Variants in PADI4 observed in about 807,000 individuals in gnomAD.
PADI4 encodes peptidyl arginine deiminase 4, also known as protein-arginine deiminase type-4.
A neutral mutation model predicts 75.0 loss-of-function variants in PADI4; 62 were observed. That is an observed-to-expected ratio of 0.83 (90% CI 0.67 to 1.02). The LOEUF (loss-of-function observed/expected upper bound fraction) is 1.02, where lower values mean the gene tolerates loss of function less well. PADI4 is among the 50% of genes least tolerant of loss of function. PADI4 has a pLI of 0.00. For missense variants in PADI4, 845 were observed against 850.5 expected (o/e 0.99, Z 0.08); for synonymous variants, 361 against 348.1 (o/e 1.04, Z -0.41).
Position 17,342,002 on chromosome 1 carries a change from C to G in PADI4, c.712C>G (p.Leu238Val). 1 of 1,614,056 alleles carries G rather than the reference C, an allele frequency of 6.2e-7. No individual in the cohort carries two copies. The change falls in exon 7 of 16, where the codon CTG (leucine) becomes GTG (valine). Residue 238 changes from leucine to valine, a missense_variant. By Grantham distance (32) the Leu-to-Val change is conservative. Transcript: ENST00000375448. ...GGGTCCCAAGTGGCCCTCTCACTAC[C>G]TGATGGTCCCCGGTGGAAAGCACAA... is the stretch of plus-strand genomic sequence containing the variant. ...VLGPKWPSHY[L>V]MVPGGKHNMD...
At chr1:17,319,358 G>A (rs2073995633) in intron 1 of PADI4, among the ~76,000 whole-genome samples, 1 of 152,058 alleles carries the variant, frequency 6.6e-6, no homozygotes, top group African/African-American at 2.4e-5. Flanking sequence ...TTGAGCCCAG[G>A]AGTTCAAGAC....
At chr1:17,315,028 G>A (rs926660135) in intron 1 of PADI4, among the ~76,000 whole-genome samples, 9 of 152,172 alleles carry the variant, frequency 5.9e-5, no homozygotes, top group Non-Finnish European at 1.2e-4. Flanking sequence ...CCCCACCCCC[G>A]TCAGCATGGG....
chr1:17,359,164 C>T, intron 14 of PADI4, 116 bp from the exon 15 acceptor site: 1 of 800,084 alleles, frequency 1.2e-6, no homozygotes, highest in Non-Finnish European at 2.0e-6. Flanking sequence ...TCACTGCCTT[C>T]CTGACACTGT....
In PADI4 at chr1:17,342,397, G is replaced by T. The variant is rs144416829; in HGVS notation, c.930G>T (p.Ala310=). ...CCCAGCCCCCGCAGGAGGTGTACGC[G>T]TGCAGGTGAGAGGTCCTGGGGTGCT... ...PNTQPPQEVY[A]CSIFENEDFL... is the part of the protein sequence containing the mutation. The change falls in exon 8 of 16, where the codon GCG becomes GCT. Residue 310 remains alanine, a synonymous_variant. Coordinates refer to ENST00000375448, the MANE Select transcript of PADI4 (RefSeq NM_012387.3). 6.2e-7 allele frequency: 1 copy of T among 1,606,806 alleles called. No homozygotes were observed. The highest frequency in any genetic ancestry group is 1.1e-5 in the South Asian group (1 of 90,892).
At chr1:17,313,585 C>A (rs1225059853) in intron 1 of PADI4, among the ~76,000 whole-genome samples, 1 of 151,064 alleles carries the variant, frequency 6.6e-6, no homozygotes, top group Non-Finnish European at 1.5e-5. Flanking sequence ...ATTTGCATGA[C>A]CCAGTTCCTA....
At position 17,354,656 on chromosome 1, in the gene PADI4, A is replaced by G. The variant is rs1335710571; in HGVS notation, c.1279A>G (p.Arg427Gly). ...TVRGKEYPLG[R>G]ILFGDSCYPS... ...CAGGGGCAAGGAATACCCGCTGGGCAGGATTCTCTTCGGGGACAGCTGTTA... is the reference window on the plus strand; with the variant it reads ...CAGGGGCAAGGAATACCCGCTGGGCGGGATTCTCTTCGGGGACAGCTGTTA... The change falls in exon 11 of 16, where the codon AGG becomes GGG. Residue 427 changes from arginine (R) to glycine (G), a missense_variant. Arg to Gly is a moderately radical substitution (Grantham distance 125, BLOSUM62 -2). Coordinates refer to ENST00000375448, the MANE Select transcript of PADI4 (RefSeq NM_012387.3). 1.6e-5 allele frequency: 26 copies of G among 1,612,748 alleles called. No homozygotes were observed. The highest frequency in any genetic ancestry group is 2.2e-5 in the Non-Finnish European group (26 of 1,179,338).
At chr1:17,320,466 C>T (rs2074014593) in intron 1 of PADI4, among the ~76,000 whole-genome samples, 1 of 152,164 alleles carries the variant, frequency 6.6e-6, no homozygotes, top group Non-Finnish European at 1.5e-5. Flanking sequence ...ATGGTTATTT[C>T]TTGATTATAT....
chr1:17,347,237 G>A (rs1018947383), intron 9 of PADI4, among the ~76,000 whole-genome samples: 4 of 152,044 alleles, frequency 2.6e-5, no homozygotes, highest in Admixed American at 6.6e-5. Flanking sequence ...GCACCTGGCC[G>A]CCATTCCATT....
At chr1:17,323,252 AGAGAGAGAGGC>A (rs2074061898) in intron 1 of PADI4, among the ~76,000 whole-genome samples, 7 of 30,252 alleles carry the variant, frequency 2.3e-4, no homozygotes, top group Non-Finnish European at 3.4e-4. Flanking sequence ...AGAGACAGGC[AGAGAGAGAGGC>A]AGAGAGAGAG....
rs1182925121 is a variant in PADI4, at chr1:17,350,097, CCT to C, written c.1155+2050_1155+2051del. ...CTCCTAGCCTTCTCCACTACAGCCCCCTGTTGACTTCTTCAGTGTATTTTGTT... is the reference window on the plus strand; with the variant it reads ...CTCCTAGCCTTCTCCACTACAGCCCCGTTGACTTCTTCAGTGTATTTTGTT... On this transcript the variant is annotated intron_variant, in intron 10 of 15. Transcript: ENST00000375448. Among the ~76,000 whole-genome samples the C allele has an allele frequency of 1.8e-4, 23 of 127,758 alleles. 1 individual carries two copies. Among genetic ancestry groups the C allele is most frequent in the African/African-American group, 5.8e-4 (23 of 39,790 alleles). 83.8% of individuals were successfully genotyped at this position (127,758 alleles called of 152,430 possible).
At chr1:17,337,280 C>T (rs1018743939) in intron 4 of PADI4, among the ~76,000 whole-genome samples, 2 of 152,130 alleles carry the variant, frequency 1.3e-5, no homozygotes, top group Non-Finnish European at 2.9e-5. Flanking sequence ...TGAGTAGCTG[C>T]AATTACAGGT....
intron 1 of PADI4, among the ~76,000 whole-genome samples, chr1:17,308,738 G>A (rs1338741058): frequency 6.9e-6 from 1 of 144,190 alleles, no homozygotes; most frequent in Non-Finnish European, 1.5e-5. Context: ...CCCTCAGTGG[G>A]TGCATAATAG....
At chr1:17,318,689 TC>T (rs2073981916) in intron 1 of PADI4, among the ~76,000 whole-genome samples, 1 of 106,570 alleles carries the variant, frequency 9.4e-6, no homozygotes, top group South Asian at 3.1e-4. Context: ...TGATTTTTTT[TC>T]TTTTTTTTTT....
chr1:17,331,643 C>T (rs910528006), intron 2 of PADI4, among the ~76,000 whole-genome samples: 1 of 151,290 alleles, frequency 6.6e-6, no homozygotes, highest in Non-Finnish European at 1.5e-5. Flanking sequence ...CCTGGCCGGG[C>T]ACAGTGGCTC....
At chr1:17,339,641 A>G (rs1298915905) in intron 5 of PADI4, 47 bp from the exon 6 acceptor site, 1 of 1,607,302 alleles carries the variant, frequency 6.2e-7, no homozygotes, top group Admixed American at 1.7e-5. Context: ...GGAAACCAGC[A>G]GCGGTCTCAG....
chr1:17,355,869 C>G, intron 11 of PADI4, 114 bp from the exon 12 acceptor site: 3 of 978,572 alleles, frequency 3.1e-6, no homozygotes, highest in Non-Finnish European at 5.0e-6. Flanking sequence ...TAGACTCCTG[C>G]ATCCCTTTCT....
chr1:17,359,353 C>A lies in PADI4; in HGVS notation c.1703C>A (p.Pro568Gln). Reference sequence around the variant, plus strand: ...GCCGAGAGTGACATCATTGACATCCCGCAGCTCTTCAAGCTCAAAGAGTTC... The same window carrying A: ...GCCGAGAGTGACATCATTGACATCCAGCAGCTCTTCAAGCTCAAAGAGTTC... ...GLAESDIIDI[P>Q]QLFKLKEFSK... The change falls in exon 15 of 16, where the codon CCG becomes CAG. Residue 568 changes from proline to glutamine, a missense_variant. By Grantham distance (76) the Pro-to-Gln change is moderately conservative (BLOSUM62 -1). Transcript: ENST00000375448. The A allele has an allele frequency of 6.2e-7, 1 of 1,614,088 alleles. No homozygotes were observed. Among genetic ancestry groups the A allele is most frequent in the Non-Finnish European group, 8.5e-7 (1 of 1,179,978 alleles).
At position 17,351,741 on chromosome 1, in the gene PADI4, T is replaced by C. The variant is rs182474471; in HGVS notation, c.1156-2792T>C. The stretch of plus-strand genomic sequence containing the variant: ...TTGGCCATGTGAGTGGGTGTCTGGG[T>C]GAAGAGTGTTGTAGGCAGTGAAACA... On this transcript the variant is annotated intron_variant, in intron 10 of 15. Transcript: ENST00000375448. Among the ~76,000 whole-genome samples, 115 of 149,038 alleles carry C rather than the reference T, an allele frequency of 7.7e-4. 1 individual carries two copies. The East Asian group carries it at 0.021, about 27-fold the overall frequency.
At position 17,342,091 on chromosome 1, in the gene PADI4, C is replaced by T; in HGVS notation, c.801C>T (p.Leu267=). 1 of 1,614,134 alleles carries T rather than the reference C, an allele frequency of 6.2e-7. No individual in the cohort carries two copies. The highest frequency in any genetic ancestry group is 8.5e-7 in the Non-Finnish European group (1 of 1,180,012). The change falls in exon 7 of 16, where the codon CTC becomes CTT. Residue 267 remains leucine, a synonymous_variant. Coordinates refer to ENST00000375448, the MANE Select transcript of PADI4 (RefSeq NM_012387.3). Reference sequence around the variant, plus strand: ...CCGACTTCCCGGGGCTCATTACCCTCACCATCTCCCTGCTGGACACGTCCA... The same window carrying T: ...CCGACTTCCCGGGGCTCATTACCCTTACCATCTCCCTGCTGGACACGTCCA... ...PDTDFPGLIT[L]TISLLDTSNL... is the part of the protein sequence containing the mutation.
Sources: gnomAD v4.1 joint callset for allele counts (sites outside exome capture counted in the v4.1 genomes callset) on GRCh38, gnomAD v4.1.1 for gene constraint, MANE v1.5 for transcripts, NCBI Gene and HGNC (gene_info 2026-07-23, HGNC 2026-07-21) for gene names.